GLE1: variants seen among roughly 807,000 people sequenced by gnomAD.
GLE1 encodes mRNA export factor GLE1.
Under a neutral mutation model 97.3 loss-of-function variants are expected in GLE1, and 78 were observed. The observed-to-expected ratio is 0.80, with a 90% CI of 0.67 to 0.97. The LOEUF is 0.97. Ranked by LOEUF, GLE1 falls within the 50% of genes least tolerant of loss-of-function variation. The probability of loss-of-function intolerance (pLI) is 0.00; values close to 1 mark genes in which losing one functional copy is unlikely to be tolerated. For missense variants in GLE1, 753 were observed against 857.5 expected (o/e 0.88, Z 1.52); for synonymous variants, 302 against 313.4 (o/e 0.96, Z 0.39).
intron 1 of GLE1, 27 bp downstream of exon 1, chr9:128,504,931 G>A (rs780940589): frequency 6.1e-6 from 9 of 1,464,968 alleles, no homozygotes; most frequent in Non-Finnish European, 8.6e-6. Context: ...GAGGACGTAG[G>A]CCTTTCCGGC....
intron 9 of GLE1, among the ~76,000 whole-genome samples, chr9:128,529,878 G>A (rs535555788): frequency 6.6e-6 from 1 of 151,842 alleles, no homozygotes; most frequent in Non-Finnish European, 1.5e-5. Flanking sequence ...CCGGGTTCAC[G>A]CCATTCTCCT....
chr9:128,537,868 G>A (rs1308744240), intron 12 of GLE1, 118 bp from the exon 13 acceptor site: 4 of 717,922 alleles, frequency 5.6e-6, no homozygotes, highest in Non-Finnish European at 1.0e-5. Flanking sequence ...CCTGTGGCAG[G>A]TGCTAGGGCT....
intron 15 of GLE1, chr9:128,540,700 C>A: frequency 2.8e-6 from 1 of 362,450 alleles, no homozygotes; most frequent in Non-Finnish European, 5.1e-6. Flanking sequence ...TCAAACTGCA[C>A]TTTCAGTTGG....
At chr9:128,517,757 T>G (rs1243688534) in intron 3 of GLE1, among the ~76,000 whole-genome samples, 2 of 152,160 alleles carry the variant, frequency 1.3e-5, no homozygotes, top group African/African-American at 4.8e-5. Context: ...ACCTGTTGAT[T>G]GAAAAAATAT....
At chr9:128,525,990 G>A (rs1037393275) in intron 7 of GLE1, among the ~76,000 whole-genome samples, 2 of 152,138 alleles carry the variant, frequency 1.3e-5, no homozygotes, top group Non-Finnish European at 2.9e-5. Context: ...AGATCAGTGG[G>A]AGTCTGGTTT....
intron 1 of GLE1, among the ~76,000 whole-genome samples, 194 bp downstream of exon 1, chr9:128,505,098 C>T (rs1018713035): frequency 1.3e-5 from 2 of 152,192 alleles, no homozygotes; most frequent in African/African-American, 4.8e-5. Flanking sequence ...TTTCGGGGAG[C>T]TCCCCTGACT....
Position 128,541,450 on chromosome 9 carries a change from TG to T in GLE1, c.*282del, listed in dbSNP as rs1167175511. ...AAAGTGATAAAAGGTCTTTAGCACTTGGTCTCCTCCCTTGTCTCTAGTGTCT... is the reference window on the plus strand; with the variant it reads ...AAAGTGATAAAAGGTCTTTAGCACTTGTCTCCTCCCTTGTCTCTAGTGTCT... On this transcript the variant is annotated 3_prime_UTR_variant, in exon 16 of 16. Transcript: ENST00000309971. 2.2e-6 allele frequency: 1 copy of T among 464,496 alleles called. No individual in the cohort carries two copies. Among genetic ancestry groups the T allele is most frequent in the African/African-American group, 2.0e-5 (1 of 50,678 alleles). The allele number at this position is 464,496 out of a possible 1,614,324, so 28.8% of individuals were successfully genotyped here.
intron 2 of GLE1, among the ~76,000 whole-genome samples, chr9:128,511,936 C>T (rs1372160200): frequency 2.6e-5 from 4 of 152,032 alleles, no homozygotes; most frequent in Non-Finnish European, 2.9e-5. Flanking sequence ...CTCAGCCTCC[C>T]GAGTAGCTGG....
chr9:128,528,301 G>GC (rs201665617), intron 9 of GLE1, among the ~76,000 whole-genome samples: 2 of 146,968 alleles, frequency 1.4e-5, no homozygotes, highest in Admixed American at 6.8e-5. Context: ...ACTGTGCCCA[G>GC]CCCCCTTTTT....
At chr9:128,531,053 A>G (rs1390508270) in intron 9 of GLE1, among the ~76,000 whole-genome samples, 1 of 151,476 alleles carries the variant, frequency 6.6e-6, no homozygotes, top group Non-Finnish European at 1.5e-5. Flanking sequence ...TGTGTCTACT[A>G]AAAATACAAA....
At position 128,504,984 on chromosome 9, in the gene GLE1, G is replaced by C. The variant is rs1846599466; in HGVS notation, c.99+80G>C. On this transcript the variant is annotated intron_variant, in intron 1 of 15. Transcript: ENST00000309971. ...TTCTCCCTAGCCGTTGGCACGTTCT[G>C]CTCCCGGGAACCCGTGCAGTCTAAC... 3.3e-6 allele frequency: 3 copies of C among 915,356 alleles called. No individual in the cohort carries two copies. The African/African-American group carries it at 4.9e-5, about 15-fold the overall frequency. 56.7% of individuals were successfully genotyped at this position (915,356 alleles called of 1,614,324 possible). A position where few individuals can be genotyped will look rare whatever the true frequency, so the allele number is the denominator to read the frequency against.
chr9:128,514,477 C>T (rs1265419961), intron 2 of GLE1, among the ~76,000 whole-genome samples: 1 of 135,856 alleles, frequency 7.4e-6, no homozygotes, highest in Non-Finnish European at 1.5e-5. Flanking sequence ...GACGGAGTCT[C>T]TGTATCCCAG....
intron 2 of GLE1, among the ~76,000 whole-genome samples, chr9:128,510,460 C>T (rs1337960118): frequency 1.3e-5 from 2 of 151,374 alleles, no homozygotes; most frequent in Non-Finnish European, 2.9e-5. Flanking sequence ...AACTCCTGAC[C>T]TTATGATCTG....
chr9:128,522,009 GAT>G (rs1346046404), intron 3 of GLE1, among the ~76,000 whole-genome samples: 1 of 152,188 alleles, frequency 6.6e-6, no homozygotes, highest in African/African-American at 2.4e-5. Flanking sequence ...AAATCAGTGA[GAT>G]AGGAATGTGT....
chr9:128,530,863 A>G (rs896924537), intron 9 of GLE1, among the ~76,000 whole-genome samples: 4 of 143,322 alleles, frequency 2.8e-5, no homozygotes, highest in African/African-American at 7.9e-5. Context: ...GCGCCGAGAT[A>G]GCACCACTGC....
At position 128,541,486 on chromosome 9, in the gene GLE1, T is replaced by C; in HGVS notation, c.*316T>C. The C allele has an allele frequency of 2.6e-6, 1 of 383,828 alleles. No individual in the cohort carries two copies. Among genetic ancestry groups the C allele is most frequent in the East Asian group, 5.7e-5 (1 of 17,476 alleles). 23.8% of individuals were successfully genotyped at this position (383,828 alleles called of 1,614,324 possible). A position where few individuals can be genotyped will look rare whatever the true frequency, so the allele number is the denominator to read the frequency against. ...CTTGTCTCTAGTGTCTTTCAGAAAGTTGGCAATACCTTAACAAATGCACTC... is the reference window on the plus strand; with the variant it reads ...CTTGTCTCTAGTGTCTTTCAGAAAGCTGGCAATACCTTAACAAATGCACTC... On this transcript the variant is annotated 3_prime_UTR_variant, in exon 16 of 16. Coordinates refer to ENST00000309971, the MANE Select transcript of GLE1 (RefSeq NM_001003722.2).
chr9:128,537,963 T>C, intron 12 of GLE1, 23 bp from the exon 13 acceptor site: 1 of 1,348,106 alleles, frequency 7.4e-7, no homozygotes, highest in Non-Finnish European at 1.1e-6. Context: ...AGATCAATGA[T>C]AACCAAGCTT....
Position 128,525,290 on chromosome 9 carries a change from C to A in GLE1, c.996C>A (p.Ala332=). 1 of 1,614,014 alleles carries A rather than the reference C, an allele frequency of 6.2e-7. No homozygotes were observed. Among genetic ancestry groups the A allele is most frequent in the East Asian group, 2.2e-5 (1 of 44,880 alleles). The change falls in exon 7 of 16, where the codon GCC becomes GCA. Residue 332 remains alanine (A), a synonymous_variant. Transcript: ENST00000309971. Reference sequence around the variant, plus strand: ...ACTTGGGGCAGGAGATCACCAGAGCCTGCGAAGACAAGAGGAGGCAGGATG... The same window carrying A: ...ACTTGGGGCAGGAGATCACCAGAGCATGCGAAGACAAGAGGAGGCAGGATG... ...LMNLGQEITR[A]CEDKRRQDEE...
intron 6 of GLE1, 104 bp from the exon 7 acceptor site, chr9:128,525,088 C>A: frequency 1.2e-6 from 1 of 813,176 alleles, no homozygotes. Context: ...AATGTGGATA[C>A]TCCATTGGTG....
Sources: allele counts gnomAD v4.1 joint callset (sites outside exome capture counted in the v4.1 genomes callset), GRCh38; gene constraint gnomAD v4.1.1; transcripts MANE v1.5; gene names NCBI Gene and HGNC (gene_info 2026-07-23, HGNC 2026-07-21).